The following PRSS23 variants were observed in gnomAD, a reference collection of about 807,000 sequenced individuals.
The protein encoded by PRSS23 is serine protease 23.
Under a neutral mutation model 34.7 loss-of-function variants are expected in PRSS23, and 25 were observed. That is an observed-to-expected ratio of 0.72 (90% CI 0.53 to 1.01). The LOEUF is 1.01. Among genes scored for constraint, PRSS23 ranks in the 50% least tolerant of loss-of-function variants. The probability of loss-of-function intolerance (pLI) is 0.00; values close to 1 mark genes in which losing one functional copy is unlikely to be tolerated. For synonymous variants in PRSS23, 176 were observed against 186.6 expected (o/e 0.94, Z 0.46); for missense variants, 445 against 475.6 (o/e 0.94, Z 0.60).
At chr11:86,859,772 C>T (rs1948600029) in intron 2 of PRSS23, among the ~76,000 whole-genome samples, 1 of 151,844 alleles carries the variant, frequency 6.6e-6, no homozygotes, top group South Asian at 2.1e-4. Context: ...TGTACCTTCA[C>T]CCTGTGATAT....
intron 2 of PRSS23, among the ~76,000 whole-genome samples, chr11:86,838,244 C>T (rs369172267): frequency 4.7e-4 from 71 of 152,238 alleles, no homozygotes; most frequent in African/African-American, 1.3e-3. Context: ...AAAAGAGAAA[C>T]GGTACACTCT....
At position 86,808,542 on chromosome 11, in the gene PRSS23, A is replaced by G; in HGVS notation, c.899A>G (p.Glu300Gly). ...LVYRFCDVKD[E>G]TYDLLYQQCD... ...TATCGCTTCTGTGACGTCAAAGACG[A>G]GACCTATGACTTGCTCTACCAGCAA... Residue 300 changes from glutamate (E) to glycine (G), a missense_variant, in exon 2 of 2, where the codon GAG becomes GGG. Glu to Gly is a moderately conservative substitution (Grantham distance 98, BLOSUM62 -2). Coordinates refer to ENST00000280258, the MANE Select transcript of PRSS23 (RefSeq NM_007173.6). The G allele has an allele frequency of 6.2e-7, 1 of 1,614,230 alleles. No homozygotes were observed. The highest frequency in any genetic ancestry group is 8.5e-7 in the Non-Finnish European group (1 of 1,180,046).
chr11:86,845,618 TCAGGACTTACTTCAGTCCTGGATGAA>T (rs1203428217), intron 2 of PRSS23, among the ~76,000 whole-genome samples: 1 of 152,206 alleles, frequency 6.6e-6, no homozygotes, highest in African/African-American at 2.4e-5. Context: ...TTTCCCTGCA[TCAGGACTTACTTCAGTCCTGGATGAA>T]TAATATTGAA....
intron 2 of PRSS23, among the ~76,000 whole-genome samples, chr11:86,865,383 T>G (rs1436095901): frequency 6.6e-6 from 1 of 152,214 alleles, no homozygotes. Context: ...GCAAAGCGCC[T>G]GGTACATTCT....
intron 2 of PRSS23, among the ~76,000 whole-genome samples, chr11:86,853,242 CTTTTTTTTTTTTTTTT>C (rs561682096): frequency 8.4e-5 from 4 of 47,792 alleles, no homozygotes; most frequent in East Asian, 1.6e-3. Context: ...AAGTGCCTGC[CTTTTTTTTTTTTTTTT>C]TTTTTTTTTT....
At chr11:86,892,589 A>G (rs1260403647) in intron 2 of PRSS23, among the ~76,000 whole-genome samples, 9 of 152,224 alleles carry the variant, frequency 5.9e-5, no homozygotes, top group Admixed American at 5.2e-4. Context: ...TTTGGAATTG[A>G]ATACTGGCTG....
chr11:86,951,553 A>C (rs375123597), exon 3 of PRSS23: 8 of 1,614,214 alleles, frequency 5.0e-6, no homozygotes, highest in Non-Finnish European at 6.8e-6. Context: ...ACAAAGTTCC[A>C]ATGACCAAAT....
chr11:86,881,596 G>T (rs1948772543), intron 2 of PRSS23, among the ~76,000 whole-genome samples: 1 of 151,766 alleles, frequency 6.6e-6, no homozygotes, highest in African/African-American at 2.4e-5. Context: ...TAAATATGCT[G>T]GCCTCAAAGA....
rs929045127 is a variant in PRSS23, at chr11:86,922,782, C to T, written c.207-28434C>T. ...ATTTGTGCTTTCCAGAGCTGTCTGCCTATTACCCTGGTATGTTTGTTCACC... is the reference window on the plus strand; with the variant it reads ...ATTTGTGCTTTCCAGAGCTGTCTGCTTATTACCCTGGTATGTTTGTTCACC... On this transcript the variant is annotated intron_variant, in intron 2 of 2. Coordinates refer to the PRSS23 transcript ENST00000533902. Among the ~76,000 whole-genome samples, 7 of 152,290 alleles carry T rather than the reference C, an allele frequency of 4.6e-5. No homozygotes were observed. In the East Asian group the frequency reaches 1.3e-3, roughly 29 times the overall value.
chr11:86,912,455 T>G (rs978563565), intron 2 of PRSS23, among the ~76,000 whole-genome samples: 1 of 152,178 alleles, frequency 6.6e-6, no homozygotes, highest in African/African-American at 2.4e-5. Context: ...GAGGCTCTGT[T>G]CATTTTTTTT....
At chr11:86,889,319 T>C (rs1430929643) in intron 2 of PRSS23, among the ~76,000 whole-genome samples, 1 of 152,168 alleles carries the variant, frequency 6.6e-6, no homozygotes, top group Non-Finnish European at 1.5e-5. Flanking sequence ...TCTTAGTCTG[T>C]TCCTATGGCA....
At chr11:86,834,847 G>T (rs534552937) in intron 2 of PRSS23, among the ~76,000 whole-genome samples, 99 of 152,066 alleles carry the variant, frequency 6.5e-4, no homozygotes, top group Non-Finnish European at 1.3e-3. Flanking sequence ...TATTAGTTCT[G>T]CCAGCTGAAC....
chr11:86,898,938 C>A (rs1466998128), intron 2 of PRSS23, among the ~76,000 whole-genome samples: 1 of 152,140 alleles, frequency 6.6e-6, no homozygotes, highest in Non-Finnish European at 1.5e-5. Context: ...GATCAGAAAC[C>A]AAGCCCAGGT....
chr11:86,843,119 C>A (rs1328058057), intron 2 of PRSS23, among the ~76,000 whole-genome samples: 1 of 152,038 alleles, frequency 6.6e-6, no homozygotes, highest in African/African-American at 2.4e-5. Flanking sequence ...TAACACCACT[C>A]ATCTACAACC....
chr11:86,939,161 G>A (rs1291167069), intron 2 of PRSS23: 2 of 364,596 alleles, frequency 5.5e-6, no homozygotes, highest in Non-Finnish European at 1.1e-5. Flanking sequence ...TACTTCTCAG[G>A]ATTCCTGGGC....
At chr11:86,930,393 CAG>C (rs1949115995) in intron 2 of PRSS23, among the ~76,000 whole-genome samples, 1 of 152,124 alleles carries the variant, frequency 6.6e-6, no homozygotes, top group South Asian at 2.1e-4. Context: ...GAACATGTAA[CAG>C]GGGATCTAAC....
intron 2 of PRSS23, among the ~76,000 whole-genome samples, chr11:86,878,264 C>CCTCATCTCCGTCTCCCTCTCT (rs1948739587): frequency 6.7e-6 from 1 of 149,536 alleles, no homozygotes; most frequent in Non-Finnish European, 1.5e-5. Flanking sequence ...TCTCCCTCTC[C>CCTCATCTCCGTCTCCCTCTCT]CCACGGTCTC....
chr11:86,896,371 A>G (rs1374416778), intron 2 of PRSS23: 1 of 149,062 alleles, frequency 6.7e-6, no homozygotes, highest in Non-Finnish European at 1.5e-5. Flanking sequence ...AAAAAAAAAA[A>G]CACACATATA....
intron 2 of PRSS23, among the ~76,000 whole-genome samples, chr11:86,915,813 G>A (rs959922249): frequency 2.6e-5 from 4 of 151,992 alleles, no homozygotes; most frequent in African/African-American, 7.3e-5. Flanking sequence ...CTTTGGGAGA[G>A]ACTAAGGCAG....
Sources: gnomAD v4.1 joint callset for allele counts (sites outside exome capture counted in the v4.1 genomes callset) on GRCh38, gnomAD v4.1.1 for gene constraint, MANE v1.5 for transcripts, NCBI Gene and HGNC (gene_info 2026-07-23, HGNC 2026-07-21) for gene names.